The following CFAP90 variants were observed in gnomAD, a reference collection of about 807,000 sequenced individuals.
The protein encoded by CFAP90 is cilia and flagella associated protein 90.
the CFAP90 span, among the ~76,000 whole-genome samples, chr5:7,844,009 C>T: frequency 6.6e-5 from 10 of 152,282 alleles, no homozygotes; most frequent in East Asian, 1.9e-4. Context: ...TCCTCACTCT[C>T]GGTGTTTCGT....
At chr5:7,841,046 A>G in the CFAP90 span, among the ~76,000 whole-genome samples, 4 of 152,196 alleles carry the variant, frequency 2.6e-5, no homozygotes, top group African/African-American at 9.6e-5. Flanking sequence ...TACGAACTGC[A>G]TAAACAGACA....
chr5:7,844,370 G>T, the CFAP90 span, among the ~76,000 whole-genome samples: 33 of 152,220 alleles, frequency 2.2e-4, no homozygotes, highest in African/African-American at 7.0e-4. Flanking sequence ...TTTGTAAGTC[G>T]GTGACTTATC....
chr5:7,846,902 C>A, the CFAP90 span, among the ~76,000 whole-genome samples: 1 of 152,126 alleles, frequency 6.6e-6, no homozygotes, highest in African/African-American at 2.4e-5. Flanking sequence ...ATGGCCACCA[C>A]ACCTGGCAAT....
the CFAP90 span, among the ~76,000 whole-genome samples, chr5:7,848,666 G>C: frequency 1.3e-5 from 2 of 152,138 alleles, no homozygotes; most frequent in African/African-American, 4.8e-5. Context: ...ATCTTGAATT[G>C]TAGTTCCCAT....
chr5:7,842,043 A>G, the CFAP90 span, among the ~76,000 whole-genome samples: 1 of 152,104 alleles, frequency 6.6e-6, no homozygotes, highest in African/African-American at 2.4e-5. Context: ...AAACTAAGAG[A>G]GAAGAAATTT....
At chr5:7,832,822 G>C in the CFAP90 span, among the ~76,000 whole-genome samples, 4 of 152,138 alleles carry the variant, frequency 2.6e-5, no homozygotes, top group Non-Finnish European at 5.9e-5. Flanking sequence ...CTTCCTTCAG[G>C]AATGGCAGCT....
chr5:7,837,821 G>A, the CFAP90 span, among the ~76,000 whole-genome samples: 1 of 152,186 alleles, frequency 6.6e-6, no homozygotes, highest in Non-Finnish European at 1.5e-5. Context: ...AAGGCCCCTG[G>A]CCAGCCACTG....
the CFAP90 span, among the ~76,000 whole-genome samples, chr5:7,848,994 T>C: frequency 6.6e-6 from 1 of 152,204 alleles, no homozygotes; most frequent in African/African-American, 2.4e-5. Flanking sequence ...GACTAATACA[T>C]GCATGTCTGT....
chr5:7,851,062 C>G, the CFAP90 span: 2 of 1,236,044 alleles, frequency 1.6e-6, no homozygotes, highest in Non-Finnish European at 2.0e-6. Context: ...CGCGGTCCGT[C>G]CCGCCCGCCC....
chr5:7,850,623 C>A, the CFAP90 span, among the ~76,000 whole-genome samples: 2 of 115,918 alleles, frequency 1.7e-5, no homozygotes, highest in African/African-American at 6.4e-5. Flanking sequence ...CTAAGGTGAG[C>A]CCCGCCCCTA....
At chr5:7,838,397 G>T in the CFAP90 span, among the ~76,000 whole-genome samples, 8 of 152,248 alleles carry the variant, frequency 5.3e-5, no homozygotes, top group African/African-American at 1.9e-4. Context: ...ATAGGCAGCT[G>T]TTGGTACAGA....
chr5:7,831,778 T>C, the CFAP90 span: 1 of 1,446,240 alleles, frequency 6.9e-7, no homozygotes, highest in African/African-American at 1.4e-5. Flanking sequence ...AGGCTCCAGA[T>C]GCCACCTTCT....
At chr5:7,833,290 C>G in the CFAP90 span, among the ~76,000 whole-genome samples, 1 of 152,112 alleles carries the variant, frequency 6.6e-6, no homozygotes, top group Non-Finnish European at 1.5e-5. Flanking sequence ...CACACACATG[C>G]ATGTACACAC....
the CFAP90 span, among the ~76,000 whole-genome samples, chr5:7,844,032 G>C: frequency 0.14 from 20,838 of 152,036 alleles, 1,531 homozygotes; most frequent in Middle Eastern, 0.18. Context: ...CATGTGAAAG[G>C]TCTCCACTAG....
the CFAP90 span, among the ~76,000 whole-genome samples, chr5:7,833,113 AAAC>A: frequency 2.0e-5 from 3 of 152,240 alleles, no homozygotes; most frequent in African/African-American, 7.2e-5. Flanking sequence ...CTAAAGAACC[AAAC>A]AACAATATCA....
chr5:7,834,519 A>T, the CFAP90 span, among the ~76,000 whole-genome samples: 1 of 152,164 alleles, frequency 6.6e-6, no homozygotes. Context: ...CAAAGTGTAC[A>T]GTGCTTATGA....
At chr5:7,845,952 T>C in the CFAP90 span, among the ~76,000 whole-genome samples, 1 of 151,252 alleles carries the variant, frequency 6.6e-6, no homozygotes. Flanking sequence ...CCTTCACCTG[T>C]GTTAATTTCT....
At chr5:7,831,830 CT>C in the CFAP90 span, 7 of 1,600,332 alleles carry the variant, frequency 4.4e-6, no homozygotes, top group South Asian at 7.7e-5. Context: ...CGGACATGCC[CT>C]GTGGGCCACG....
the CFAP90 span, chr5:7,851,084 C>A: frequency 8.1e-7 from 1 of 1,234,304 alleles, no homozygotes; most frequent in South Asian, 3.9e-5. Flanking sequence ...GGGGCCCAGT[C>A]GGAGTCTGCA....
Sources: allele counts gnomAD v4.1 joint callset (sites outside exome capture counted in the v4.1 genomes callset), GRCh38; gene constraint gnomAD v4.1.1; transcripts MANE v1.5; gene names NCBI Gene and HGNC (gene_info 2026-07-23, HGNC 2026-07-21).